Variants in NIBAN1 observed in about 807,000 individuals in gnomAD.
NIBAN1 encodes protein Niban 1.
A neutral mutation model predicts 75.1 loss-of-function variants in NIBAN1; 81 were observed. That is an observed-to-expected ratio of 1.08 (90% CI 0.90 to 1.30). The LOEUF (loss-of-function observed/expected upper bound fraction) is 1.30, where lower values mean the gene tolerates loss of function less well. NIBAN1 is among the 50% of genes most tolerant of loss of function. The pLI, the probability that NIBAN1 is intolerant of heterozygous loss-of-function variation, is 0.00. For missense variants in NIBAN1, 1,133 were observed against 1,128.1 expected (o/e 1.00, Z -0.06); for synonymous variants, 436 against 424.8 (o/e 1.03, Z -0.32).
chr1:184,919,143 AAT>A (rs751054247), intron 1 of NIBAN1, among the ~76,000 whole-genome samples: 29 of 152,380 alleles, frequency 1.9e-4, no homozygotes, highest in African/African-American at 6.5e-4. Context: ...ATCCTAAAGT[AAT>A]ATGTTTAGCT....
At chr1:184,956,219 G>T (rs1348812933) in intron 1 of NIBAN1, among the ~76,000 whole-genome samples, 2 of 152,038 alleles carry the variant, frequency 1.3e-5, no homozygotes, top group South Asian at 2.1e-4. Flanking sequence ...TAGAGACGAG[G>T]TCTCACTATG....
intron 5 of NIBAN1, among the ~76,000 whole-genome samples, chr1:184,849,299 C>T (rs1655493538): frequency 2.4e-5 from 1 of 41,988 alleles, no homozygotes; most frequent in Non-Finnish European, 4.1e-5. Context: ...GGGCTTCATC[C>T]CTGGGATGAA....
At chr1:184,864,928 AG>A (rs1040445670) in intron 5 of NIBAN1, among the ~76,000 whole-genome samples, 1 of 151,268 alleles carries the variant, frequency 6.6e-6, no homozygotes, top group Non-Finnish European at 1.5e-5. Flanking sequence ...AGTTATAAGT[AG>A]TTCACTAAGA....
intron 9 of NIBAN1, among the ~76,000 whole-genome samples, chr1:184,812,890 T>C (rs1266892269): frequency 6.6e-6 from 1 of 152,250 alleles, no homozygotes; most frequent in Non-Finnish European, 1.5e-5. Flanking sequence ...CTCCATGGAC[T>C]ATCTTAAATT....
chr1:184,955,669 A>C (rs1361676947), intron 1 of NIBAN1, among the ~76,000 whole-genome samples: 1 of 152,234 alleles, frequency 6.6e-6, no homozygotes, highest in Non-Finnish European at 1.5e-5. Context: ...TATGAAGCCT[A>C]TACCCTGCCT....
At chr1:184,808,742 T>C (rs1482141376) in intron 9 of NIBAN1, among the ~76,000 whole-genome samples, 4 of 152,118 alleles carry the variant, frequency 2.6e-5, no homozygotes, top group Admixed American at 2.0e-4. Context: ...AGGGCTTCTC[T>C]CTGCTATAGG....
intron 1 of NIBAN1, among the ~76,000 whole-genome samples, chr1:184,942,394 A>G (rs1425909812): frequency 6.6e-6 from 1 of 152,238 alleles, no homozygotes; most frequent in Non-Finnish European, 1.5e-5. Flanking sequence ...GAAGAACACA[A>G]ATGAAACTGA....
At chr1:184,962,498 C>T (rs1658675494) in intron 1 of NIBAN1, among the ~76,000 whole-genome samples, 1 of 152,076 alleles carries the variant, frequency 6.6e-6, no homozygotes, top group Non-Finnish European at 1.5e-5. Flanking sequence ...ATGGCCAACC[C>T]AGTTGTAGCA....
chr1:184,927,003 C>A (rs540261831), intron 1 of NIBAN1, among the ~76,000 whole-genome samples: 24 of 152,198 alleles, frequency 1.6e-4, no homozygotes, highest in Non-Finnish European at 8.8e-5. Flanking sequence ...CTGCTTAATT[C>A]TTTTTACTTA....
chr1:184,872,062 T>C (rs921651777), intron 5 of NIBAN1, among the ~76,000 whole-genome samples: 2 of 152,060 alleles, frequency 1.3e-5, no homozygotes, highest in African/African-American at 4.8e-5. Context: ...GTTAATAAGG[T>C]ACCATGAGTA....
At chr1:184,955,710 T>G (rs540244014) in intron 1 of NIBAN1, among the ~76,000 whole-genome samples, 16 of 152,244 alleles carry the variant, frequency 1.1e-4, no homozygotes, top group African/African-American at 3.9e-4. Context: ...AAGTAGAAAA[T>G]GTATTCATTG....
chr1:184,891,458 C>T (rs1656664434), intron 3 of NIBAN1, among the ~76,000 whole-genome samples: 1 of 152,172 alleles, frequency 6.6e-6, no homozygotes, highest in South Asian at 2.1e-4. Context: ...TTGATTTAGA[C>T]TGGACTCAAA....
At chr1:184,893,966 A>G in intron 3 of NIBAN1, 109 bp downstream of exon 3, 2 of 1,131,084 alleles carry the variant, frequency 1.8e-6, no homozygotes, top group Non-Finnish European at 2.5e-6. Flanking sequence ...TACCAGTACC[A>G]TGCTGATTTT....
chr1:184,808,867 C>T (rs1173830189), intron 9 of NIBAN1, among the ~76,000 whole-genome samples: 1 of 152,164 alleles, frequency 6.6e-6, no homozygotes, highest in Non-Finnish European at 1.5e-5. Flanking sequence ...GTCAATGAGG[C>T]CATTGGGCTT....
chr1:184,891,941 C>T (rs1422446574), intron 3 of NIBAN1, among the ~76,000 whole-genome samples: 1 of 152,024 alleles, frequency 6.6e-6, no homozygotes, highest in Non-Finnish European at 1.5e-5. Context: ...AATTAAGTCA[C>T]CATATCTTAA....
intron 1 of NIBAN1, among the ~76,000 whole-genome samples, chr1:184,957,140 GAA>G (rs1228524478): frequency 6.6e-6 from 1 of 152,218 alleles, no homozygotes; most frequent in Non-Finnish European, 1.5e-5. Context: ...TCACAGTTAG[GAA>G]AAGATGCCTG....
intron 1 of NIBAN1, among the ~76,000 whole-genome samples, chr1:184,947,038 ACTC>A (rs1658242572): frequency 6.6e-6 from 1 of 151,842 alleles, no homozygotes; most frequent in Non-Finnish European, 1.5e-5. Context: ...GCGCCATTGC[ACTC>A]CAGCCTGGGC....
At chr1:184,960,621 A>AC (rs1479780169) in intron 1 of NIBAN1, among the ~76,000 whole-genome samples, 3 of 43,202 alleles carry the variant, frequency 6.9e-5, no homozygotes, top group Non-Finnish European at 1.6e-4. Flanking sequence ...AACAACAACA[A>AC]AATGTTGTTG....
chr1:184,873,533 G>A (rs1446322541), intron 5 of NIBAN1, among the ~76,000 whole-genome samples: 1 of 152,160 alleles, frequency 6.6e-6, no homozygotes, highest in African/African-American at 2.4e-5. Context: ...GAGTTAAGGA[G>A]TCAATGCCAA....
Sources: gnomAD v4.1 joint callset for allele counts (sites outside exome capture counted in the v4.1 genomes callset) on GRCh38, gnomAD v4.1.1 for gene constraint, MANE v1.5 for transcripts, NCBI Gene and HGNC (gene_info 2026-07-23, HGNC 2026-07-21) for gene names.